Variants in FCSK observed in about 807,000 individuals in gnomAD.
FCSK encodes the protein L-fucose kinase.
FCSK carries 123 observed loss-of-function variants against 122.5 expected under a neutral mutation model. That is an observed-to-expected ratio of 1.00 (90% CI 0.87 to 1.17). The LOEUF (loss-of-function observed/expected upper bound fraction) is 1.17. Ranked by LOEUF, FCSK falls within the 50% of genes most tolerant of loss-of-function variation. The pLI is 0.00. For synonymous variants in FCSK, 620 were observed against 625.5 expected, an observed-to-expected ratio of 0.99 and a Z score of 0.13; for missense variants, 1,366 against 1,450.4, an observed-to-expected ratio of 0.94 and a Z score of 0.95.
Position 70,463,789 on chromosome 16 carries a change from G to C in FCSK, c.234+15G>C. ...CAGGCTTCACTGTGAGTGCTCACCA[G>C]GGCCACCTCCCTGGTCTGTGTCCCT... On this transcript the variant is annotated intron_variant, in intron 3 of 23. Transcript: ENST00000288078. The C allele has an allele frequency of 6.3e-7, 1 of 1,598,354 alleles. No individual in the cohort carries two copies. Among genetic ancestry groups the C allele is most frequent in the Non-Finnish European group, 8.5e-7 (1 of 1,173,932 alleles).
At position 70,477,929 on chromosome 16, in the gene FCSK, C is replaced by T. The variant is rs374211741; in HGVS notation, c.2642-343C>T. Reference sequence around the variant, plus strand: ...AACTCCTGACCTCAAATGATCTGCCCGCCTTAGCCTCCCAAAGTGCTGTGA... The same window carrying T: ...AACTCCTGACCTCAAATGATCTGCCTGCCTTAGCCTCCCAAAGTGCTGTGA... On this transcript the variant is annotated intron_variant, in intron 20 of 23. Transcript: ENST00000288078. The T allele has an allele frequency of 2.7e-4, 60 of 225,244 alleles. 1 individual carries two copies. The South Asian group carries it at 5.0e-3, about 19-fold the overall frequency. 14.0% of individuals were successfully genotyped at this position (225,244 alleles called of 1,614,324 possible).
intron 10 of FCSK, among the ~76,000 whole-genome samples, 194 bp from the exon 11 acceptor site, chr16:70,470,120 G>A (rs1451302186): frequency 6.6e-6 from 1 of 152,222 alleles, no homozygotes; most frequent in Non-Finnish European, 1.5e-5. Flanking sequence ...TGGGATTACA[G>A]GCGTGAGCCA....
chr16:70,460,451 C>T (rs1020839545), intron 1 of FCSK, among the ~76,000 whole-genome samples: 2 of 149,264 alleles, frequency 1.3e-5, no homozygotes, highest in African/African-American at 5.0e-5. Context: ...GTCGCCCAGG[C>T]TGGAGTGCAG....
chr16:70,473,712 G>A lies in FCSK; in HGVS notation c.1777+359G>A, dbSNP rs565055083. On this transcript the variant is annotated intron_variant, in intron 15 of 23. Transcript: ENST00000288078. The surrounding 1 kb of genome is among the most constrained non-coding windows in gnomAD (Gnocchi z 4.9). ...AGGGGACATGGTCATCTCTGCATGAGGTCCCAAGCACACTTCCGGGGGCTC... is the reference window on the plus strand; with the variant it reads ...AGGGGACATGGTCATCTCTGCATGAAGTCCCAAGCACACTTCCGGGGGCTC... Among the ~76,000 whole-genome samples the A allele has an allele frequency of 3.3e-5, 5 of 152,192 alleles. No individual in the cohort carries two copies. The highest frequency in any genetic ancestry group is 7.3e-5 in the Non-Finnish European group (5 of 68,034).
At chr16:70,463,132 TA>T in intron 1 of FCSK, 36 bp from the exon 2 acceptor site, 1 of 1,196,722 alleles carries the variant, frequency 8.4e-7, no homozygotes, top group Non-Finnish European at 1.2e-6. Context: ...TATGATGGTT[TA>T]AAAAATAGTC....
At chr16:70,462,436 C>G (rs1229207560) in intron 1 of FCSK, 1 of 152,260 alleles carries the variant, frequency 6.6e-6, no homozygotes, top group Non-Finnish European at 1.5e-5. Flanking sequence ...AGCAGTCCTC[C>G]CACCTTAGCT....
chr16:70,468,720 CAGA>C, intron 8 of FCSK, 126 bp from the exon 9 acceptor site: 1 of 1,180,826 alleles, frequency 8.5e-7, no homozygotes, highest in South Asian at 1.4e-5. Flanking sequence ...CTGGAGTGGT[CAGA>C]AGGTGACACT....
At chr16:70,461,711 C>T (rs1011765446) in intron 1 of FCSK, among the ~76,000 whole-genome samples, 1 of 152,204 alleles carries the variant, frequency 6.6e-6, no homozygotes, top group Non-Finnish European at 1.5e-5. Context: ...GGCATTTGCT[C>T]TCGCCTTCCT....
rs199722781 is a variant in FCSK at position 70,478,437 on chromosome 16, G to A, written c.2807G>A (p.Arg936His). 4.6e-5 allele frequency: 74 copies of A among 1,614,082 alleles called. No individual in the cohort carries two copies. The South Asian group carries it at 5.4e-4, about 12-fold the overall frequency. The change falls in exon 21 of 24, where the codon CGC (arginine) becomes CAC (histidine). Residue 936 changes from arginine (R) to histidine (H), a missense_variant. By Grantham distance (29) the Arg-to-His change is conservative. Coordinates refer to ENST00000288078, the MANE Select transcript of FCSK (RefSeq NM_145059.3). ...CTCTTGGTGTACACTGGCAAGACCCGCCTGGCTCGGAACCTGCTGCAGGTG... is the reference window on the plus strand; with the variant it reads ...CTCTTGGTGTACACTGGCAAGACCCACCTGGCTCGGAACCTGCTGCAGGTG... Reference protein sequence around the residue: ...HLLLVYTGKTRLARNLLQDVL... With the variant: ...HLLLVYTGKTHLARNLLQDVL...
Position 70,479,342 on chromosome 16 carries a change from A to G in FCSK, c.3092A>G (p.Tyr1031Cys), listed in dbSNP as rs746722160. 3.1e-6 allele frequency: 5 copies of G among 1,613,944 alleles called. No homozygotes were observed. In the Admixed American group the frequency reaches 6.7e-5, roughly 22 times the overall value. ...LAGAGGGGFLYLLTKEPQQKE... is the reference protein window; with the variant it reads ...LAGAGGGGFLCLLTKEPQQKE... ...GGGGCAGGCGGTGGAGGCTTTCTCT[A>G]TCTGTTGACCAAGGAGCCACAGCAA... Residue 1031 changes from tyrosine (Y) to cysteine (C), a missense_variant, in exon 23 of 24, where the codon TAT (tyrosine) becomes TGT (cysteine). Physicochemically the swap from Tyr to Cys is radical, Grantham distance 194. Coordinates refer to ENST00000288078, the MANE Select transcript of FCSK (RefSeq NM_145059.3).
chr16:70,466,610 T>C (rs1057038021), intron 5 of FCSK: 86 of 520,438 alleles, frequency 1.7e-4, no homozygotes, highest in African/African-American at 1.5e-3. Flanking sequence ...GGCAGGAAGA[T>C]CGCTTGAGCC....
At chr16:70,464,180 T>C (rs941357669) in intron 3 of FCSK, among the ~76,000 whole-genome samples, 4 of 152,148 alleles carry the variant, frequency 2.6e-5, no homozygotes, top group Non-Finnish European at 5.9e-5. Context: ...CTTCACCCGG[T>C]CACCTTGTCT....
Position 70,478,656 on chromosome 16 carries a change from G to C in FCSK, c.2929+6G>C. On this transcript the variant is annotated splice_donor_region_variant and intron_variant, in intron 22 of 23. Coordinates refer to ENST00000288078, the MANE Select transcript of FCSK (RefSeq NM_145059.3). ...TGCTGAAGGCTTCCGCCAAGGTGAG[G>C]GGCTTCCTCTGGGGGGGTCAGGGCA... The C allele has an allele frequency of 6.2e-7, 1 of 1,612,392 alleles. No homozygotes were observed. Among genetic ancestry groups the C allele is most frequent in the East Asian group, 2.2e-5 (1 of 44,884 alleles).
intron 11 of FCSK, 55 bp downstream of exon 11, chr16:70,470,481 G>A (rs2048578167): frequency 9.1e-7 from 1 of 1,103,668 alleles, no homozygotes; most frequent in East Asian, 2.4e-5. Flanking sequence ...CAGGTGGGAT[G>A]TGGATTCCCG....
chr16:70,463,696 G>C lies in FCSK; in HGVS notation c.156G>C (p.Lys52Asn), dbSNP rs754851794. The change falls in exon 3 of 24, where the codon AAG becomes AAC. Residue 52 changes from lysine (K) to asparagine (N), a missense_variant. Transcript: ENST00000288078. Reference sequence around the variant, plus strand: ...TACTGGCCGTGGAGGACCCAGAGAAGCGTGTGGGCAGCGGAGGAGCCACCC... The same window carrying C: ...TACTGGCCGTGGAGGACCCAGAGAACCGTGTGGGCAGCGGAGGAGCCACCC... ...TLLLAVEDPE[K>N]RVGSGGATLN... 2 of 1,613,118 alleles carry C rather than the reference G, an allele frequency of 1.2e-6. No individual in the cohort carries two copies. The highest frequency in any genetic ancestry group is 3.3e-5 in the Admixed American group (2 of 60,020).
At chr16:70,466,426 C>T in intron 5 of FCSK, 169 bp downstream of exon 5, 2 of 784,294 alleles carry the variant, frequency 2.6e-6, no homozygotes, top group Non-Finnish European at 3.9e-6. Flanking sequence ...GGGGCAGTGG[C>T]TCATGCCTAT....
In FCSK at chr16:70,475,444, C is replaced by A; in HGVS notation, c.2472C>A (p.Gly824=). The change falls in exon 19 of 24, where the codon GGC becomes GGA. Residue 824 remains glycine, a synonymous_variant. Transcript: ENST00000288078. ...AGCAGCTGCTCCGCACCTTCGGGGG[C>A]GGCTTTGAGCTGCACACCTGGTCTG... ...LSEQLLRTFG[G]GFELHTWSEL... 6.2e-7 allele frequency: 1 copy of A among 1,606,778 alleles called. No individual in the cohort carries two copies. Among genetic ancestry groups the A allele is most frequent in the African/African-American group, 1.3e-5 (1 of 75,044 alleles).
chr16:70,473,071 G>T lies in FCSK; in HGVS notation c.1495G>T (p.Glu499Ter). The T allele has an allele frequency of 6.3e-7, 1 of 1,591,142 alleles. No homozygotes were observed. The highest frequency in any genetic ancestry group is 8.5e-7 in the Non-Finnish European group (1 of 1,169,682). Reference sequence around the variant, plus strand: ...CTTTCCTGTGCTCCACCCCTCGAGGGAGCTGGGACCCCAGGACCTGCTGTG... The same window carrying T: ...CTTTCCTGTGCTCCACCCCTCGAGGTAGCTGGGACCCCAGGACCTGCTGTG... ...RLFPVLHPSR[E>*]LGPQDLLWML... Residue 499 changes from glutamate to a stop codon, truncating the protein, a stop_gained, in exon 15 of 24, where the codon GAG (glutamate) becomes TAG (stop). Transcript: ENST00000288078. LOFTEE classifies it high-confidence loss of function. This position sits in a 1 kb window ranked among gnomAD's most constrained non-coding sequence, Gnocchi z 4.9.
chr16:70,479,270 G>A lies in FCSK; in HGVS notation c.3020G>A (p.Arg1007His), dbSNP rs201350190. The A allele has an allele frequency of 1.0e-4, 168 of 1,614,002 alleles. No individual in the cohort carries two copies. The African/African-American group carries it at 1.9e-3, about 18-fold the overall frequency. ...GGCTGTGAGCCCCTGACTGTGCGGC[G>A]TATGATGGATGTCCTGGCCCCCCAC... is the stretch of plus-strand genomic sequence containing the variant. ...APGCEPLTVR[R>H]MMDVLAPHVH... Residue 1007 changes from arginine (R) to histidine (H), a missense_variant, in exon 23 of 24, where the codon CGT (arginine) becomes CAT (histidine). Coordinates refer to ENST00000288078, the MANE Select transcript of FCSK (RefSeq NM_145059.3).
Sources: gnomAD v4.1 joint callset for allele counts (sites outside exome capture counted in the v4.1 genomes callset) on GRCh38, gnomAD v4.1.1 for gene constraint, Gnocchi (gnomAD v3.1) non-coding constraint, MANE v1.5 for transcripts, NCBI Gene and HGNC (gene_info 2026-07-23, HGNC 2026-07-21) for gene names.